EP300: variants seen among roughly 807,000 people sequenced by gnomAD.
EP300 encodes EP300 lysine acetyltransferase, also known as histone acetyltransferase p300.
EP300 carries 31 observed loss-of-function variants against 264.0 expected under a neutral mutation model. That is an observed-to-expected ratio of 0.12 (90% CI 0.09 to 0.16). The LOEUF (loss-of-function observed/expected upper bound fraction) is 0.16. Among genes scored for constraint, EP300 ranks in the 10% least tolerant of loss-of-function variants. The probability of loss-of-function intolerance (pLI) is 1.00; values close to 1 mark genes in which losing one functional copy is unlikely to be tolerated. For missense variants in EP300, 2,766 were observed against 3,052.9 expected (o/e 0.91, Z 2.21); for synonymous variants, 1,340 against 1,045.4 (o/e 1.28, Z -5.44).
intron 28 of EP300, among the ~76,000 whole-genome samples, chr22:41,173,123 C>G (rs2059180283): frequency 6.6e-6 from 1 of 152,168 alleles, no homozygotes; most frequent in African/African-American, 2.4e-5. Flanking sequence ...CCAGTTATTT[C>G]CCCATAGCAT....
chr22:41,162,871 T>G, intron 21 of EP300, 92 bp downstream of exon 21: 1 of 1,094,838 alleles, frequency 9.1e-7, no homozygotes, highest in Non-Finnish European at 1.4e-6. Flanking sequence ...CAGATGATCC[T>G]ATATTCTTGG....
rs1046088 is a variant in EP300 at position 41,178,379 on chromosome 22, A to C, written c.6668A>C (p.Gln2223Pro). 49,006 of 1,614,146 alleles carry C rather than the reference A, an allele frequency of 0.03. 883 individuals are homozygous for C. Among genetic ancestry groups the C allele is most frequent in the Non-Finnish European group, 0.035 (41,799 of 1,180,008 alleles). Residue 2223 changes from glutamine to proline, a missense_variant, in exon 31 of 31, where the codon CAG becomes CCG. Physicochemically the swap from Gln to Pro is moderately conservative, Grantham distance 76. Transcript: ENST00000263253. ...CAAGGAGTTGGCTACCCACCACAGC[A>C]GCAGCAGCGGATGCAGCATCACATG... ...QPQGVGYPPQ[Q>P]QQRMQHHMQQ...
chr22:41,138,241 G>A (rs1455783568), intron 8 of EP300, among the ~76,000 whole-genome samples: 3 of 152,052 alleles, frequency 2.0e-5, no homozygotes, highest in African/African-American at 7.2e-5. Flanking sequence ...TTGGTTCACT[G>A]CAGACTTCGC....
In EP300 at chr22:41,176,237, T is replaced by G; in HGVS notation, c.4780-10T>G. 6.2e-7 allele frequency: 1 copy of G among 1,613,984 alleles called. No individual in the cohort carries two copies. Among genetic ancestry groups the G allele is most frequent in the Non-Finnish European group, 8.5e-7 (1 of 1,179,938 alleles). ...CCTGTCTCAAAAAAAAGAGACTGTC[T>G]GTTTTTCAGGTCTTCTTTGTGATCC... On this transcript the variant is annotated splice_polypyrimidine_tract_variant and intron_variant, in intron 29 of 30. Transcript: ENST00000263253.
chr22:41,161,068 A>G (rs1444648009), intron 20 of EP300, among the ~76,000 whole-genome samples: 1 of 152,232 alleles, frequency 6.6e-6, no homozygotes, highest in African/African-American at 2.4e-5. Context: ...GGAAGCAATC[A>G]GCTTCTCTTC....
chr22:41,130,019 T>C lies in EP300; in HGVS notation c.1282+16T>C. Reference sequence around the variant, plus strand: ...AATCAACAGCGTAAGTGATGAAATCTTTTGAAGGTTTATATGAAAAGTTTT... The same window carrying C: ...AATCAACAGCGTAAGTGATGAAATCCTTTGAAGGTTTATATGAAAAGTTTT... On this transcript the variant is annotated intron_variant, in intron 5 of 30. Transcript: ENST00000263253. 1 of 1,593,088 alleles carries C rather than the reference T, an allele frequency of 6.3e-7. No homozygotes were observed. The highest frequency in any genetic ancestry group is 8.6e-7 in the Non-Finnish European group (1 of 1,161,406).
At chr22:41,175,319 A>G (rs1442849717) in intron 29 of EP300, among the ~76,000 whole-genome samples, 1 of 152,200 alleles carries the variant, frequency 6.6e-6, no homozygotes, top group East Asian at 1.9e-4. Flanking sequence ...ATAATCTGTT[A>G]TCAGTACAGC....
At position 41,179,519 on chromosome 22, in the gene EP300, T is replaced by C. The variant is rs1321851186; in HGVS notation, c.*563T>C. On this transcript the variant is annotated 3_prime_UTR_variant, in exon 31 of 31. Transcript: ENST00000263253. The stretch of plus-strand genomic sequence containing the variant: ...TCTCTGGGTGCAAAGATGTTCATTC[T>C]TTTAAAAAATGTTTAAAAAAAAAAA... 5.8e-6 allele frequency: 1 copy of C among 173,336 alleles called. No homozygotes were observed. Among genetic ancestry groups the C allele is most frequent in the African/African-American group, 2.5e-5 (1 of 40,200 alleles). The allele number at this position is 173,336 out of a possible 1,614,324, so 10.7% of individuals were successfully genotyped here.
At position 41,149,991 on chromosome 22, in the gene EP300, A is replaced by G. The variant is rs2059034248; in HGVS notation, c.2610A>G (p.Pro870=). The change falls in exon 14 of 31, where the codon CCA becomes CCG. Residue 870 remains proline, a synonymous_variant. Transcript: ENST00000263253. ...CTGTTCCTACACCTCCTGCCATGCC[A>G]CCTGGGCCACAGTCCCAGGCTCTAC... ...PAPVPTPPAM[P]PGPQSQALHP... The G allele has an allele frequency of 6.2e-7, 1 of 1,612,262 alleles. No individual in the cohort carries two copies. The highest frequency in any genetic ancestry group is 1.3e-5 in the African/African-American group (1 of 74,156).
intron 29 of EP300, among the ~76,000 whole-genome samples, chr22:41,175,753 T>A (rs982829021): frequency 6.6e-6 from 1 of 152,248 alleles, no homozygotes; most frequent in Non-Finnish European, 1.5e-5. Flanking sequence ...TGCATGGTGC[T>A]ATACCTCACC....
intron 20 of EP300, 152 bp downstream of exon 20, chr22:41,160,874 A>T (rs1178348016): frequency 4.1e-6 from 3 of 736,680 alleles, no homozygotes; most frequent in African/African-American, 1.7e-5. Flanking sequence ...TTAAATAAAA[A>T]TTGTTTATCA....
At chr22:41,096,649 G>A (rs9607772) in intron 1 of EP300, among the ~76,000 whole-genome samples, 82,891 of 134,712 alleles carry the variant, frequency 0.62, 25,413 homozygotes, top group East Asian at 0.81. Flanking sequence ...ACAGAGGTTT[G>A]CTCTCGTTGC....
At position 41,141,137 on chromosome 22, in the gene EP300, C is replaced by A. The variant is rs2145726148; in HGVS notation, c.1968C>A (p.Asn656Lys). 6.2e-7 allele frequency: 1 copy of A among 1,614,136 alleles called. No homozygotes were observed. Among genetic ancestry groups the A allele is most frequent in the Non-Finnish European group, 8.5e-7 (1 of 1,180,014 alleles). Residue 656 changes from asparagine (N) to lysine (K), a missense_variant, in exon 10 of 31, where the codon AAC becomes AAA. Physicochemically the swap from Asn to Lys is moderately conservative, Grantham distance 94 (BLOSUM62 0). Coordinates refer to ENST00000263253, the MANE Select transcript of EP300 (RefSeq NM_001429.4). Reference protein sequence around the residue: ...EKRRTRLQKQNMLPNAAGMVP... With the variant: ...EKRRTRLQKQKMLPNAAGMVP... ...GAAGGACCAGACTACAGAAGCAGAA[C>A]ATGCTACCAAATGCTGCAGGCATGG...
intron 19 of EP300, chr22:41,160,431 CAAAAAAAA>C (rs537593150): frequency 2.8e-6 from 1 of 358,336 alleles, no homozygotes; most frequent in South Asian, 3.9e-5. Context: ...AAAAAAAAAA[CAAAAAAAA>C]ACAAAAAAAC....
rs1233535680 is a variant in EP300 at position 41,172,607 on chromosome 22, G to C, written c.4561G>C (p.Glu1521Gln). The change falls in exon 28 of 31, where the codon GAA becomes CAA. Residue 1521 changes from glutamate (E) to glutamine (Q), a missense_variant. Transcript: ENST00000263253. ...NVLEESIKELEQEEEERKREE... is the reference protein window; with the variant it reads ...NVLEESIKELQQEEEERKREE... Reference sequence around the variant, plus strand: ...TCTGGAAGAAAGCATTAAGGAACTGGAACAGGAGGAAGAAGAGAGAAAACG... The same window carrying C: ...TCTGGAAGAAAGCATTAAGGAACTGCAACAGGAGGAAGAAGAGAGAAAACG... 3 of 1,614,058 alleles carry C rather than the reference G, an allele frequency of 1.9e-6. No homozygotes were observed. Among genetic ancestry groups the C allele is most frequent in the Non-Finnish European group, 2.5e-6 (3 of 1,179,966 alleles).
At chr22:41,132,801 T>A (rs1255602743) in intron 6 of EP300, among the ~76,000 whole-genome samples, 1 of 152,164 alleles carries the variant, frequency 6.6e-6, no homozygotes, top group African/African-American at 2.4e-5. Context: ...GTTTTATGAC[T>A]GAGAGGGAAG....
chr22:41,093,502 TTCCTC>T (rs1358722796), intron 1 of EP300, among the ~76,000 whole-genome samples: 2 of 152,232 alleles, frequency 1.3e-5, no homozygotes, highest in South Asian at 2.1e-4. Context: ...CTTACTGTGT[TTCCTC>T]TACTTTCCAC....
At chr22:41,163,422 G>A (rs112074049) in intron 21 of EP300, among the ~76,000 whole-genome samples, 31 of 121,674 alleles carry the variant, frequency 2.5e-4, no homozygotes, top group East Asian at 2.5e-3. Context: ...GCGACAGAGC[G>A]AGACTCCGTC....
rs747119373 is a variant in EP300, at chr22:41,149,185, A to G, written c.2379+10A>G. 2.5e-6 allele frequency: 4 copies of G among 1,613,890 alleles called. No individual in the cohort carries two copies. The East Asian group carries it at 6.7e-5, about 27-fold the overall frequency. On this transcript the variant is annotated intron_variant, in intron 13 of 30. Transcript: ENST00000263253. ...AGCTCCAGTGTCTCAAGTATGTCTC[A>G]TAAGTGGATTTTTCACTTATTTTTG... is the stretch of plus-strand genomic sequence containing the variant.
Sources: allele counts gnomAD v4.1 joint callset (sites outside exome capture counted in the v4.1 genomes callset), GRCh38; gene constraint gnomAD v4.1.1; transcripts MANE v1.5; gene names NCBI Gene and HGNC (gene_info 2026-07-23, HGNC 2026-07-21).